Variants in RANBP2 observed in about 807,000 individuals in gnomAD.
The protein encoded by RANBP2 is E3 SUMO-protein ligase RanBP2.
RANBP2 carries 57 observed loss-of-function variants against 303.6 expected under a neutral mutation model. The observed-to-expected ratio is 0.19, with a 90% confidence interval of 0.15 to 0.23. RANBP2 has a LOEUF of 0.23. Among genes scored for constraint, RANBP2 ranks in the 10% least tolerant of loss-of-function variants. The probability of loss-of-function intolerance (pLI) is 1.00; values close to 1 mark genes in which losing one functional copy is unlikely to be tolerated. For synonymous variants in RANBP2, 1,167 were observed against 1,301.5 expected (o/e 0.90, Z 2.23); for missense variants, 3,138 against 3,780.8 (o/e 0.83, Z 4.46).
the RANBP2 span, among the ~76,000 whole-genome samples, chr2:109,571,462 C>G: frequency 3.9e-5 from 6 of 152,256 alleles, 1 homozygote; most frequent in African/African-American, 1.4e-4. Flanking sequence ...TGTAACTATA[C>G]TGGATACTGT....
At chr2:109,410,369 C>T in the RANBP2 span, among the ~76,000 whole-genome samples, 1 of 152,216 alleles carries the variant, frequency 6.6e-6, no homozygotes, top group East Asian at 1.9e-4. Context: ...GGATCCAGGG[C>T]ACTGCACAGT....
Position 108,781,344 on chromosome 2 carries a change from A to C in RANBP2, c.8675A>C (p.Lys2892Thr), listed in dbSNP as rs1558941387. The change falls in exon 26 of 29, where the codon AAA becomes ACA. Residue 2892 changes from lysine to threonine, a missense_variant. Transcript: ENST00000283195. ...TCAGTCGGAACCCAGTCAGCCGGTA[A>C]AGTTGGTGAAGATGAAGATGGTAGT... ...TQSVGTQSAG[K>T]VGEDEDGSDE... 1 of 1,614,236 alleles carries C rather than the reference A, an allele frequency of 6.2e-7. No homozygotes were observed.
the RANBP2 span, among the ~76,000 whole-genome samples, chr2:109,146,172 A>G: frequency 6.6e-6 from 1 of 152,108 alleles, no homozygotes; most frequent in African/African-American, 2.4e-5. Context: ...TACGTATTAG[A>G]ATGCATGGTA....
chr2:109,440,524 C>T, the RANBP2 span, among the ~76,000 whole-genome samples: 1 of 152,208 alleles, frequency 6.6e-6, no homozygotes, highest in Non-Finnish European at 1.5e-5. Flanking sequence ...AGCTAGACTT[C>T]TGCTTATGGC....
At chr2:109,291,652 A>G in the RANBP2 span, among the ~76,000 whole-genome samples, 1 of 152,142 alleles carries the variant, frequency 6.6e-6, no homozygotes, top group Non-Finnish European at 1.5e-5. Context: ...AAGACTGGAT[A>G]TTGTTCCAGT....
the RANBP2 span, among the ~76,000 whole-genome samples, chr2:108,879,827 G>A: frequency 6.6e-6 from 1 of 152,096 alleles, no homozygotes; most frequent in Non-Finnish European, 1.5e-5. Flanking sequence ...TATTAGAGTT[G>A]TGACTAGAGT....
chr2:109,201,170 C>T, the RANBP2 span, among the ~76,000 whole-genome samples: 3 of 152,270 alleles, frequency 2.0e-5, no homozygotes, highest in Non-Finnish European at 4.4e-5. Context: ...CCGGCGGCCT[C>T]TGCATGGCTG....
the RANBP2 span, among the ~76,000 whole-genome samples, chr2:109,231,198 C>T: frequency 2.6e-5 from 4 of 152,258 alleles, no homozygotes; most frequent in Non-Finnish European, 4.4e-5. Flanking sequence ...CTCGGATGAA[C>T]TGTCAGGCTG....
At chr2:109,225,183 C>T in the RANBP2 span, among the ~76,000 whole-genome samples, 1 of 152,172 alleles carries the variant, frequency 6.6e-6, no homozygotes, top group Admixed American at 6.5e-5. Flanking sequence ...TCTGCTAGTT[C>T]TGAGATTCTA....
chr2:109,248,872 T>G, the RANBP2 span, among the ~76,000 whole-genome samples: 86 of 120,324 alleles, frequency 7.1e-4, no homozygotes, highest in African/African-American at 2.2e-3. Context: ...CCTTTTTCCT[T>G]TCCTTTCCTG....
At chr2:109,084,343 C>T in the RANBP2 span, among the ~76,000 whole-genome samples, 1 of 152,134 alleles carries the variant, frequency 6.6e-6, no homozygotes, top group African/African-American at 2.4e-5. Context: ...TATTTGGAGA[C>T]GGAGAACAAA....
chr2:109,712,206 G>A, the RANBP2 span, among the ~76,000 whole-genome samples: 5 of 152,092 alleles, frequency 3.3e-5, no homozygotes, highest in Non-Finnish European at 1.5e-5. Flanking sequence ...TGCCCTGGCC[G>A]GCTGTGTCAA....
the RANBP2 span, among the ~76,000 whole-genome samples, chr2:109,192,633 C>G: frequency 6.6e-6 from 1 of 152,262 alleles, no homozygotes; most frequent in South Asian, 2.1e-4. Flanking sequence ...AGTAAATATA[C>G]AGAAGGTAAT....
the RANBP2 span, among the ~76,000 whole-genome samples, chr2:109,125,777 C>A: frequency 6.6e-6 from 1 of 152,208 alleles, no homozygotes; most frequent in Non-Finnish European, 1.5e-5. Flanking sequence ...TGAACATGTG[C>A]AAATTTAACC....
the RANBP2 span, among the ~76,000 whole-genome samples, chr2:109,046,411 CTT>C: frequency 1.8e-5 from 2 of 108,446 alleles, no homozygotes; most frequent in Non-Finnish European, 2.0e-5. Context: ...CTTTTCTTTT[CTT>C]TTTTTTTTTT....
the RANBP2 span, among the ~76,000 whole-genome samples, chr2:108,919,695 T>G: frequency 6.6e-6 from 1 of 152,154 alleles, no homozygotes; most frequent in Admixed American, 6.5e-5. Context: ...TGCTGCCCAG[T>G]GTCCCAGGCT....
chr2:108,881,552 A>C, the RANBP2 span, among the ~76,000 whole-genome samples: 4 of 152,220 alleles, frequency 2.6e-5, no homozygotes. Flanking sequence ...CAAGAGGCCT[A>C]GCTTTCAGCT....
the RANBP2 span, among the ~76,000 whole-genome samples, chr2:109,517,682 G>A: frequency 4.4e-4 from 67 of 152,314 alleles, no homozygotes; most frequent in African/African-American, 1.3e-3. Flanking sequence ...TTACTGCTCC[G>A]TCCTGGGCTG....
the RANBP2 span, among the ~76,000 whole-genome samples, chr2:109,270,337 C>T: frequency 1.3e-5 from 2 of 152,144 alleles, no homozygotes; most frequent in Non-Finnish European, 2.9e-5. Flanking sequence ...GGGAGGATTG[C>T]CATTCAGAGT....
Sources: gnomAD v4.1 joint callset for allele counts (sites outside exome capture counted in the v4.1 genomes callset) on GRCh38, gnomAD v4.1.1 for gene constraint, MANE v1.5 for transcripts, NCBI Gene and HGNC (gene_info 2026-07-23, HGNC 2026-07-21) for gene names.